The following NCAPH variants were observed in gnomAD, a reference collection of about 807,000 sequenced individuals.
NCAPH encodes condensin complex subunit 2.
NCAPH carries 38 observed loss-of-function variants against 85.5 expected under a neutral mutation model. The ratio of observed to expected loss-of-function variants is 0.44; its 90% CI spans 0.34 to 0.58. NCAPH has a LOEUF of 0.58. Ranked by LOEUF, NCAPH falls within the 20% of genes least tolerant of loss-of-function variation. NCAPH has a pLI of 0.01. For synonymous variants in NCAPH, 301 were observed against 335.1 expected (o/e 0.90, Z 1.11); for missense variants, 789 against 916.6 (o/e 0.86, Z 1.80).
At chr2:96,362,212 C>T (rs1346977651) in intron 12 of NCAPH, among the ~76,000 whole-genome samples, 1 of 147,316 alleles carries the variant, frequency 6.8e-6, no homozygotes, top group African/African-American at 2.5e-5. Flanking sequence ...AAAGTGAGGC[C>T]TCATCTCAGA....
chr2:96,361,843 T>TC (rs2064627343), intron 12 of NCAPH, among the ~76,000 whole-genome samples: 2 of 131,258 alleles, frequency 1.5e-5, no homozygotes, highest in Admixed American at 8.0e-5. Flanking sequence ...TTTTTTTTTT[T>TC]CCCTGAATTG....
intron 9 of NCAPH, among the ~76,000 whole-genome samples, chr2:96,357,693 T>C (rs1214500395): frequency 1.3e-5 from 2 of 152,222 alleles, no homozygotes; most frequent in Non-Finnish European, 2.9e-5. Context: ...TTGTGTATTT[T>C]ATTTTTTTAA....
At chr2:96,365,254 T>A (rs762824870) in intron 13 of NCAPH, among the ~76,000 whole-genome samples, 2 of 152,164 alleles carry the variant, frequency 1.3e-5, no homozygotes, top group African/African-American at 4.8e-5. Flanking sequence ...GTATTCACCT[T>A]ATTTTCTTAC....
chr2:96,343,445 G>GT, intron 5 of NCAPH, 141 bp downstream of exon 5: 7 of 980,354 alleles, frequency 7.1e-6, no homozygotes, highest in Non-Finnish European at 9.9e-6. Flanking sequence ...ACCATATATG[G>GT]TCTTACGTGA....
Position 96,368,953 on chromosome 2 carries a change from A to G in NCAPH, c.1999-19A>G, listed in dbSNP as rs770468340. On this transcript the variant is annotated intron_variant, in intron 15 of 17. Transcript: ENST00000240423. The stretch of plus-strand genomic sequence containing the variant: ...TGCACTAGCCCTAACTGTCCGATGT[A>G]TAAATGTGCTTCTGTTAGGCAAACC... 7.7e-6 allele frequency: 12 copies of G among 1,551,532 alleles called. No homozygotes were observed. In the African/African-American group the frequency reaches 9.6e-5, roughly 12 times the overall value.
At chr2:96,369,376 TTGTTC>T in intron 16 of NCAPH, 44 bp from the exon 17 acceptor site, 1 of 1,498,318 alleles carries the variant, frequency 6.7e-7, no homozygotes, top group Non-Finnish European at 9.3e-7. Flanking sequence ...GAACGAGCTT[TTGTTC>T]TAACAGTTGG....
intron 10 of NCAPH, 115 bp from the exon 11 acceptor site, chr2:96,360,028 C>G (rs940179883): frequency 1.5e-6 from 1 of 665,312 alleles, no homozygotes; most frequent in African/African-American, 1.8e-5. Flanking sequence ...TGCTCAGACA[C>G]AATGCTGCCT....
In NCAPH at chr2:96,375,546, A is replaced by C. The variant is rs778684028; in HGVS notation, c.*2195A>C. Among the ~76,000 whole-genome samples the C allele has an allele frequency of 1.3e-5, 2 of 152,192 alleles. No individual in the cohort carries two copies. Among genetic ancestry groups the C allele is most frequent in the African/African-American group, 4.8e-5 (2 of 41,446 alleles). On this transcript the variant is annotated 3_prime_UTR_variant, in exon 18 of 18. Coordinates refer to ENST00000240423, the MANE Select transcript of NCAPH (RefSeq NM_015341.5). ...GCAAGGAGCCCCTCACCAGACAGCAAATCTGCCGGCGTCTTGATCTTGGAC... is the reference window on the plus strand; with the variant it reads ...GCAAGGAGCCCCTCACCAGACAGCACATCTGCCGGCGTCTTGATCTTGGAC...
At chr2:96,337,567 C>T (rs1485082245) in intron 1 of NCAPH, among the ~76,000 whole-genome samples, 1 of 151,800 alleles carries the variant, frequency 6.6e-6, no homozygotes, top group East Asian at 2.0e-4. Flanking sequence ...CTACAGGCTC[C>T]TGCCACCACG....
intron 17 of NCAPH, 95 bp from the exon 18 acceptor site, chr2:96,373,197 T>C (rs1441973023): frequency 4.0e-6 from 4 of 1,007,788 alleles, no homozygotes; most frequent in African/African-American, 1.6e-5. Flanking sequence ...ACAAACTTTC[T>C]TCTTTGTAGT....
chr2:96,367,990 G>A (rs2064722626), intron 15 of NCAPH, among the ~76,000 whole-genome samples: 1 of 152,210 alleles, frequency 6.6e-6, no homozygotes, highest in South Asian at 2.1e-4. Flanking sequence ...TTCTCAGTAG[G>A]AAGATAGTGG....
rs962031324 is a variant in NCAPH, at chr2:96,343,226, C to T, written c.517C>T (p.His173Tyr). The change falls in exon 5 of 18, where the codon CAT becomes TAT. Residue 173 changes from histidine (H) to tyrosine (Y), a missense_variant. His to Tyr is a moderately conservative substitution (Grantham distance 83, BLOSUM62 2). Coordinates refer to ENST00000240423, the MANE Select transcript of NCAPH (RefSeq NM_015341.5). Reference protein sequence around the residue: ...KIYAVRVDAVHADVYRVLGGL... With the variant: ...KIYAVRVDAVYADVYRVLGGL... ...CTATGCTGTGCGCGTGGATGCCGTCCATGCCGATGTATACAGAGTCCTTGG... is the reference window on the plus strand; with the variant it reads ...CTATGCTGTGCGCGTGGATGCCGTCTATGCCGATGTATACAGAGTCCTTGG... The T allele has an allele frequency of 6.2e-7, 1 of 1,614,044 alleles. No individual in the cohort carries two copies. Among genetic ancestry groups the T allele is most frequent in the African/African-American group, 1.3e-5 (1 of 74,910 alleles).
intron 17 of NCAPH, among the ~76,000 whole-genome samples, chr2:96,372,530 G>A (rs2064787727): frequency 6.6e-6 from 1 of 152,170 alleles, no homozygotes; most frequent in African/African-American, 2.4e-5. Context: ...CAGTTCATAA[G>A]TTTTAAGTTG....
At chr2:96,357,159 A>G (rs963734056) in intron 9 of NCAPH, among the ~76,000 whole-genome samples, 1 of 152,260 alleles carries the variant, frequency 6.6e-6, no homozygotes, top group Non-Finnish European at 1.5e-5. Flanking sequence ...ATTCGGCTGC[A>G]TGCTGCCTGA....
chr2:96,361,608 A>C (rs1426825784), intron 12 of NCAPH, among the ~76,000 whole-genome samples: 1 of 151,720 alleles, frequency 6.6e-6, no homozygotes. Context: ...GTCCCTGCTG[A>C]CAGGGTAAGC....
intron 14 of NCAPH, 31 bp from the exon 15 acceptor site, chr2:96,367,225 CT>C: frequency 6.8e-7 from 1 of 1,459,922 alleles, no homozygotes; most frequent in Middle Eastern, 1.8e-4. Context: ...CTTTATTCTG[CT>C]TAGTTTTACT....
chr2:96,346,258 G>A (rs920510683), intron 6 of NCAPH, among the ~76,000 whole-genome samples: 1 of 152,096 alleles, frequency 6.6e-6, no homozygotes, highest in African/African-American at 2.4e-5. Flanking sequence ...GGAAGGCACT[G>A]GGGGCGTGAG....
intron 17 of NCAPH, among the ~76,000 whole-genome samples, chr2:96,372,948 G>A (rs2064793200): frequency 6.6e-6 from 1 of 152,098 alleles, no homozygotes; most frequent in Non-Finnish European, 1.5e-5. Context: ...AAGGGGGGAC[G>A]ACTGACTATA....
intron 11 of NCAPH, 34 bp downstream of exon 11, chr2:96,360,283 C>T (rs761183494): frequency 4.2e-6 from 5 of 1,197,162 alleles, no homozygotes; most frequent in East Asian, 2.4e-5. Flanking sequence ...TGTGCTTACT[C>T]GTTTTTCCCT....
Sources: allele counts gnomAD v4.1 joint callset (sites outside exome capture counted in the v4.1 genomes callset), GRCh38; gene constraint gnomAD v4.1.1; transcripts MANE v1.5; gene names NCBI Gene and HGNC (gene_info 2026-07-23, HGNC 2026-07-21).